The following PYGB variants were observed in gnomAD, a reference collection of about 807,000 sequenced individuals.
PYGB encodes glycogen phosphorylase, brain form.
In PYGB, 82 loss-of-function variants were observed where a neutral mutation model predicts 94.3. That is an observed-to-expected ratio of 0.87 (90% CI 0.73 to 1.04). The LOEUF is 1.04. PYGB is among the 50% of genes least tolerant of loss of function. The pLI is 0.00. For synonymous variants in PYGB, 488 were observed against 479.1 expected, an observed-to-expected ratio of 1.02 and a Z score of -0.24; for missense variants, 1,132 against 1,158.2, an observed-to-expected ratio of 0.98 and a Z score of 0.33.
intron 2 of PYGB, among the ~76,000 whole-genome samples, chr20:25,267,332 T>C (rs375478415): frequency 1.3e-5 from 2 of 152,292 alleles, no homozygotes; most frequent in East Asian, 3.9e-4. Context: ...GGGCTGCTTT[T>C]TGGTATGATG....
chr20:25,277,407 C>T (rs984191151), intron 7 of PYGB, 81 bp downstream of exon 7: 23 of 1,363,944 alleles, frequency 1.7e-5, no homozygotes, highest in Admixed American at 1.6e-4. Flanking sequence ...CCGGGCTCCC[C>T]AGTGGGGCCT....
At chr20:25,271,164 C>T (rs552214706) in intron 3 of PYGB, among the ~76,000 whole-genome samples, 3 of 152,094 alleles carry the variant, frequency 2.0e-5, no homozygotes, top group East Asian at 1.9e-4. Flanking sequence ...TCATCCCCCC[C>T]CATCCTCCCA....
At chr20:25,290,860 G>C (rs957370711) in intron 16 of PYGB, among the ~76,000 whole-genome samples, 2 of 152,158 alleles carry the variant, frequency 1.3e-5, no homozygotes, top group Non-Finnish European at 2.9e-5. Context: ...CCCCCAACAG[G>C]GCACCCTTAC....
intron 2 of PYGB, among the ~76,000 whole-genome samples, chr20:25,267,822 C>T (rs949906065): frequency 3.9e-5 from 6 of 152,166 alleles, no homozygotes; most frequent in African/African-American, 1.2e-4. Context: ...TGAGCCACCG[C>T]ACCCAGCCTT....
At position 25,277,322 on chromosome 20, in the gene PYGB, A is replaced by C; in HGVS notation, c.851A>C (p.Asp284Ala). Residue 284 changes from aspartate (D) to alanine (A), a missense_variant, in exon 7 of 20, where the codon GAT becomes GCT. By Grantham distance (126) the Asp-to-Ala change is moderately radical. Coordinates refer to ENST00000216962, the MANE Select transcript of PYGB (RefSeq NM_002862.4). Reference protein sequence around the residue: ...ENISRVLYPNDNFFEGKELRL... With the variant: ...ENISRVLYPNANFFEGKELRL... ...ATCTCCAGGGTCCTGTATCCAAATG[A>C]TAACGTGAGTAGCTGGCCTGGGCAC... The C allele has an allele frequency of 6.4e-7, 1 of 1,560,000 alleles. No homozygotes were observed. The highest frequency in any genetic ancestry group is 2.2e-5 in the East Asian group (1 of 44,576).
At chr20:25,278,647 T>A (rs2088336820) in intron 8 of PYGB, among the ~76,000 whole-genome samples, 185 bp downstream of exon 8, 1 of 152,158 alleles carries the variant, frequency 6.6e-6, no homozygotes, top group African/African-American at 2.4e-5. Flanking sequence ...GCCACCGGCC[T>A]TGTTAGGAGT....
intron 5 of PYGB, among the ~76,000 whole-genome samples, chr20:25,276,188 A>G (rs368039961): frequency 1.3e-4 from 20 of 152,208 alleles, no homozygotes; most frequent in African/African-American, 4.6e-4. Context: ...TGCAGGAGCA[A>G]CCTTCCCGCA....
intron 14 of PYGB, chr20:25,284,861 T>C (rs1272483691): frequency 1.3e-5 from 2 of 152,282 alleles, no homozygotes; most frequent in East Asian, 1.9e-4. Context: ...ATGCATCTTA[T>C]ATGTCTAAGG....
chr20:25,296,273 G>A, intron 19 of PYGB, 97 bp from the exon 20 acceptor site: 1 of 1,471,064 alleles, frequency 6.8e-7, no homozygotes, highest in East Asian at 2.3e-5. Context: ...AAGGCTCGGA[G>A]CTCATTTGGA....
intron 3 of PYGB, 137 bp downstream of exon 3, chr20:25,269,344 G>A: frequency 1.6e-6 from 1 of 622,228 alleles, no homozygotes; most frequent in Non-Finnish European, 2.8e-6. Flanking sequence ...TCTTCAGATT[G>A]AAATCTTGCC....
At chr20:25,286,759 C>G (rs577230064) in intron 14 of PYGB, among the ~76,000 whole-genome samples, 1 of 152,164 alleles carries the variant, frequency 6.6e-6, no homozygotes, top group African/African-American at 2.4e-5. Flanking sequence ...CTGCTGTTCC[C>G]CGGGGGCTCC....
intron 1 of PYGB, among the ~76,000 whole-genome samples, chr20:25,249,954 A>C (rs935547727): frequency 3.3e-5 from 5 of 151,974 alleles, no homozygotes; most frequent in Non-Finnish European, 7.4e-5. Flanking sequence ...GGTTCAAGCA[A>C]TTCTCCTGCC....
intron 1 of PYGB, among the ~76,000 whole-genome samples, chr20:25,253,147 G>A (rs1375398125): frequency 1.3e-5 from 2 of 152,224 alleles, no homozygotes; most frequent in East Asian, 1.9e-4. Flanking sequence ...ATGGGGGAAG[G>A]CCTTGCAGAA....
intron 14 of PYGB, chr20:25,284,919 T>A (rs561061865): frequency 6.6e-6 from 1 of 152,310 alleles, no homozygotes; most frequent in South Asian, 2.1e-4. Context: ...CAAAGGTCAA[T>A]GTGAATATTT....
rs1159978877 is a variant in PYGB, at chr20:25,283,200, G to C, written c.1543G>C (p.Asp515His). The stretch of plus-strand genomic sequence containing the variant: ...GAAAATTGGGGAGGAGTTCCTGACT[G>C]ACCTGAGCCAGCTGAAGAAGCTGCT... ...VEKIGEEFLT[D>H]LSQLKKLLPL... Residue 515 changes from aspartate to histidine, a missense_variant, in exon 13 of 20, where the codon GAC (aspartate) becomes CAC (histidine). Physicochemically the swap from Asp to His is moderately conservative, Grantham distance 81 (BLOSUM62 -1). Transcript: ENST00000216962. 1 of 1,613,800 alleles carries C rather than the reference G, an allele frequency of 6.2e-7. No homozygotes were observed. Among genetic ancestry groups the C allele is most frequent in the Admixed American group, 1.7e-5 (1 of 60,018 alleles).
intron 1 of PYGB, among the ~76,000 whole-genome samples, chr20:25,258,471 C>T (rs941834777): frequency 2.0e-5 from 3 of 152,252 alleles, no homozygotes; most frequent in Non-Finnish European, 4.4e-5. Context: ...GAGATGTTGG[C>T]TGTGCACATA....
chr20:25,274,621 C>T lies in PYGB; in HGVS notation c.558C>T (p.Tyr186=), dbSNP rs199968470. The T allele has an allele frequency of 2.9e-5, 46 of 1,613,588 alleles. No individual in the cohort carries two copies. Among genetic ancestry groups the T allele is most frequent in the Admixed American group, 8.3e-5 (5 of 60,004 alleles). Residue 186 remains tyrosine (Y), a synonymous_variant, in exon 5 of 20, where the codon TAC becomes TAT. Coordinates refer to ENST00000216962, the MANE Select transcript of PYGB (RefSeq NM_002862.4). ...QVEEADDWLR[Y]GNPWEKARPE... ...AGGAGGCCGATGACTGGCTGCGCTA[C>T]GGCAACCCCTGGGAGAAAGCGCGGC... is the stretch of plus-strand genomic sequence containing the variant.
At chr20:25,294,536 C>T (rs2088509757) in intron 18 of PYGB, among the ~76,000 whole-genome samples, 1 of 152,226 alleles carries the variant, frequency 6.6e-6, no homozygotes, top group Non-Finnish European at 1.5e-5. Context: ...AGCCCCCAGG[C>T]CTTGTGGACC....
At chr20:25,296,230 T>C in intron 19 of PYGB, 140 bp from the exon 20 acceptor site, 4 of 1,035,730 alleles carry the variant, frequency 3.9e-6, no homozygotes, top group Non-Finnish European at 5.7e-6. Context: ...GAACAAGTGA[T>C]TGTAATGTCC....
Sources: allele counts gnomAD v4.1 joint callset (sites outside exome capture counted in the v4.1 genomes callset), GRCh38; gene constraint gnomAD v4.1.1; transcripts MANE v1.5; gene names NCBI Gene and HGNC (gene_info 2026-07-23, HGNC 2026-07-21).